WDR70: variants seen among roughly 807,000 people sequenced by gnomAD.
The protein encoded by WDR70 is WD repeat domain 70, also known as WD repeat-containing protein 70.
A neutral mutation model predicts 88.6 loss-of-function variants in WDR70; 53 were observed. That is an observed-to-expected ratio of 0.60 (90% CI 0.48 to 0.75). The LOEUF (loss-of-function observed/expected upper bound fraction) is 0.75. WDR70 is among the 30% of genes least tolerant of loss of function. The probability of loss-of-function intolerance (pLI) is 0.00; values close to 1 mark genes in which losing one functional copy is unlikely to be tolerated. For missense variants in WDR70, 610 were observed against 823.2 expected (o/e 0.74, Z 3.17); for synonymous variants, 280 against 270.0 (o/e 1.04, Z -0.36).
intron 7 of WDR70, among the ~76,000 whole-genome samples, chr5:37,473,775 A>G (rs932249733): frequency 3.9e-5 from 6 of 152,222 alleles, no homozygotes; most frequent in African/African-American, 1.4e-4. Context: ...CCTGGAGTAC[A>G]TTTTACATGA....
intron 8 of WDR70, among the ~76,000 whole-genome samples, chr5:37,483,842 G>T (rs1739760987): frequency 6.6e-6 from 1 of 152,198 alleles, no homozygotes; most frequent in African/African-American, 2.4e-5. Flanking sequence ...CTCAGACGGG[G>T]CGGCTGCCGG....
chr5:37,660,865 G>GA (rs1246259031), intron 10 of WDR70, among the ~76,000 whole-genome samples: 1 of 151,698 alleles, frequency 6.6e-6, no homozygotes, highest in East Asian at 1.9e-4. Flanking sequence ...AAAATATTCA[G>GA]AAAAAATTAT....
intron 8 of WDR70, among the ~76,000 whole-genome samples, chr5:37,483,549 C>G (rs1022031566): frequency 3.3e-5 from 5 of 152,244 alleles, no homozygotes; most frequent in Admixed American, 3.3e-4. Context: ...TTTCCCCCAC[C>G]TTTCCCCCTT....
intron 3 of WDR70, among the ~76,000 whole-genome samples, chr5:37,385,825 A>G (rs1236829993): frequency 2.0e-5 from 3 of 152,002 alleles, no homozygotes; most frequent in Non-Finnish European, 4.4e-5. Flanking sequence ...ATTTTTTGAG[A>G]CAGAGTCTTG....
chr5:37,480,829 C>T lies in WDR70; in HGVS notation c.840+842C>T, dbSNP rs1270527989. On this transcript the variant is annotated intron_variant, in intron 8 of 17. Transcript: ENST00000265107. ...AGCATTAACTCAAAATTCCATAGTCCAAAGTCTCATCTGAGACAAGGCAAG... is the reference window on the plus strand; with the variant it reads ...AGCATTAACTCAAAATTCCATAGTCTAAAGTCTCATCTGAGACAAGGCAAG... Among the ~76,000 whole-genome samples, 3 of 152,194 alleles carry T rather than the reference C, an allele frequency of 2.0e-5. No individual in the cohort carries two copies. In the East Asian group the frequency reaches 5.8e-4, roughly 29 times the overall value.
intron 10 of WDR70, among the ~76,000 whole-genome samples, chr5:37,657,393 A>C (rs1745583850): frequency 6.6e-6 from 1 of 152,156 alleles, no homozygotes; most frequent in Non-Finnish European, 1.5e-5. Context: ...CACCTTCTGC[A>C]TTGATCTCTC....
At chr5:37,680,927 T>C (rs1003124002) in intron 10 of WDR70, among the ~76,000 whole-genome samples, 1 of 152,178 alleles carries the variant, frequency 6.6e-6, no homozygotes. Context: ...CTTTAAATAA[T>C]GTTAAAATAG....
intron 11 of WDR70, among the ~76,000 whole-genome samples, chr5:37,700,159 C>G (rs1291829729): frequency 6.6e-6 from 1 of 152,126 alleles, no homozygotes; most frequent in Non-Finnish European, 1.5e-5. Context: ...ACTCTCCTCA[C>G]TTGCACCTGA....
chr5:37,562,586 G>GCCTT (rs1206121473), intron 9 of WDR70, among the ~76,000 whole-genome samples: 1 of 152,180 alleles, frequency 6.6e-6, no homozygotes, highest in East Asian at 1.9e-4. Flanking sequence ...GGACCCTGCG[G>GCCTT]CCTTCCGGCC....
rs1316430152 is a variant in WDR70 at position 37,700,401 on chromosome 5, G to A, written c.1193-657G>A. 4 of 152,160 alleles carry A rather than the reference G, an allele frequency of 2.6e-5. No homozygotes were observed. In the East Asian group the frequency reaches 7.7e-4, roughly 29 times the overall value. 9.4% of individuals were successfully genotyped at this position (152,160 alleles called of 1,614,324 possible). ...GGGCTATGCTAATCTTCTCTGTATC[G>A]TTCCAGTCTTAGCATATGTGCTGCC... On this transcript the variant is annotated intron_variant, in intron 11 of 17. Transcript: ENST00000265107.
intron 7 of WDR70, among the ~76,000 whole-genome samples, chr5:37,455,107 A>G (rs1230560093): frequency 6.6e-6 from 1 of 152,198 alleles, no homozygotes; most frequent in Non-Finnish European, 1.5e-5. Context: ...CAGTGCACAG[A>G]TTCTTAAGTT....
intron 8 of WDR70, among the ~76,000 whole-genome samples, chr5:37,500,787 G>A (rs1217825173): frequency 6.2e-5 from 8 of 130,080 alleles, no homozygotes; most frequent in African/African-American, 1.6e-4. Context: ...GTGCAATGGC[G>A]CGATCTCAGC....
chr5:37,583,794 A>T (rs1235187870), intron 9 of WDR70, among the ~76,000 whole-genome samples: 1 of 152,230 alleles, frequency 6.6e-6, no homozygotes, highest in Non-Finnish European at 1.5e-5. Flanking sequence ...AACATACATC[A>T]CATTAGCAAG....
At chr5:37,720,042 A>G (rs900394004) in intron 13 of WDR70, among the ~76,000 whole-genome samples, 5 of 152,034 alleles carry the variant, frequency 3.3e-5, no homozygotes, top group Non-Finnish European at 7.4e-5. Flanking sequence ...GATCTGAGAG[A>G]TTTCAAGATA....
At chr5:37,676,972 T>G (rs1263088625) in intron 10 of WDR70, among the ~76,000 whole-genome samples, 6 of 152,016 alleles carry the variant, frequency 3.9e-5, no homozygotes, top group African/African-American at 7.2e-5. Flanking sequence ...GGAGGGTGTA[T>G]GTGTCGAGGA....
At position 37,403,243 on chromosome 5, in the gene WDR70, C is replaced by T. The variant is rs142585221; in HGVS notation, c.492+6673C>T. 3.3e-3 allele frequency among the ~76,000 whole-genome samples: 502 copies of T among 152,188 alleles called. 1 individual carries two copies. Among genetic ancestry groups the T allele is most frequent in the African/African-American group, 0.011 (448 of 41,534 alleles). On this transcript the variant is annotated intron_variant, in intron 5 of 17. Transcript: ENST00000265107. ...GATTACAGGCATGAGCCACTGTGCC[C>T]GGTCCCCAATCTTTCTAACCACTCA...
chr5:37,485,229 AGATT>A (rs1561870827), intron 8 of WDR70, among the ~76,000 whole-genome samples: 2 of 152,214 alleles, frequency 1.3e-5, no homozygotes, highest in African/African-American at 4.8e-5. Context: ...CTATGAGATT[AGATT>A]GTCTACGAAA....
chr5:37,501,137 G>A (rs151018514), intron 8 of WDR70, among the ~76,000 whole-genome samples: 25 of 151,786 alleles, frequency 1.6e-4, no homozygotes, highest in African/African-American at 5.3e-4. Context: ...TGAGTTCCTC[G>A]TAGATTCTGG....
At chr5:37,461,279 C>G (rs888806124) in intron 7 of WDR70, among the ~76,000 whole-genome samples, 2 of 152,020 alleles carry the variant, frequency 1.3e-5, no homozygotes, top group Non-Finnish European at 2.9e-5. Flanking sequence ...TTATTTTGCT[C>G]TTCTTATTTA....
Sources: allele counts gnomAD v4.1 joint callset (sites outside exome capture counted in the v4.1 genomes callset), GRCh38; gene constraint gnomAD v4.1.1; transcripts MANE v1.5; gene names NCBI Gene and HGNC (gene_info 2026-07-23, HGNC 2026-07-21).